The following ABHD17C variants were observed in gnomAD, a reference collection of about 807,000 sequenced individuals.
ABHD17C encodes abhydrolase domain containing 17C, depalmitoylase.
Under a neutral mutation model 27.9 loss-of-function variants are expected in ABHD17C, and 11 were observed. That is an observed-to-expected ratio of 0.39 (90% CI 0.25 to 0.65). The LOEUF is 0.65. Among genes scored for constraint, ABHD17C ranks in the 30% least tolerant of loss-of-function variants. The probability of loss-of-function intolerance (pLI) is 0.45; values close to 1 mark genes in which losing one functional copy is unlikely to be tolerated. For synonymous variants in ABHD17C, 233 were observed against 209.1 expected, an observed-to-expected ratio of 1.11 and a Z score of -0.98; for missense variants, 280 against 470.2, an observed-to-expected ratio of 0.60 and a Z score of 3.74.
intron 1 of ABHD17C, among the ~76,000 whole-genome samples, chr15:80,711,397 G>T (rs1894727069): frequency 6.6e-6 from 1 of 152,194 alleles, no homozygotes; most frequent in Non-Finnish European, 1.5e-5. Context: ...TTTCTTTCCA[G>T]CACCCAGAAG....
At chr15:80,747,278 G>C (rs1895301260) in intron 1 of ABHD17C, among the ~76,000 whole-genome samples, 1 of 152,128 alleles carries the variant, frequency 6.6e-6, no homozygotes, top group African/African-American at 2.4e-5. Context: ...GTCGTAGACT[G>C]CTTTGAAAAT....
chr15:80,741,318 T>C (rs1018246674), intron 1 of ABHD17C, among the ~76,000 whole-genome samples: 2 of 152,152 alleles, frequency 1.3e-5, no homozygotes, highest in African/African-American at 4.8e-5. Flanking sequence ...CTGAGGATAG[T>C]CCTGAGCCCT....
At chr15:80,723,138 A>ATATGTGTGTGTGTGTGTG (rs58011508) in intron 1 of ABHD17C, among the ~76,000 whole-genome samples, 1 of 124,936 alleles carries the variant, frequency 8.0e-6, no homozygotes, top group Non-Finnish European at 1.6e-5. Context: ...GTGTGTATAT[A>ATATGTGTGTGTGTGTGTG]TGTGTGTGTG....
intron 1 of ABHD17C, among the ~76,000 whole-genome samples, chr15:80,696,248 CAG>C (rs1379442325): frequency 2.6e-5 from 4 of 152,244 alleles, no homozygotes; most frequent in South Asian, 2.1e-4. Flanking sequence ...AGCTCGGACT[CAG>C]AGAATTTTGC....
chr15:80,722,332 T>C (rs1374815693), intron 1 of ABHD17C, among the ~76,000 whole-genome samples: 5 of 151,924 alleles, frequency 3.3e-5, no homozygotes, highest in African/African-American at 1.2e-4. Flanking sequence ...TTTTTTTTTT[T>C]TTTTTTTAAT....
intron 1 of ABHD17C, among the ~76,000 whole-genome samples, chr15:80,733,149 G>T (rs749716534): frequency 3.3e-5 from 5 of 152,134 alleles, no homozygotes; most frequent in Non-Finnish European, 7.3e-5. Flanking sequence ...ATTGCAGAGC[G>T]TACTCTTCTT....
At chr15:80,745,578 G>A (rs1420942141) in intron 1 of ABHD17C, among the ~76,000 whole-genome samples, 1 of 151,862 alleles carries the variant, frequency 6.6e-6, no homozygotes, top group Non-Finnish European at 1.5e-5. Context: ...TTTTGCTCAG[G>A]CTGGTCTCAA....
At chr15:80,715,713 G>C (rs953720562) in intron 1 of ABHD17C, among the ~76,000 whole-genome samples, 2 of 152,180 alleles carry the variant, frequency 1.3e-5, no homozygotes, top group Non-Finnish European at 2.9e-5. Flanking sequence ...GAACGGTTCT[G>C]TGCAGCCCAC....
At chr15:80,701,905 A>C (rs1894578738) in intron 1 of ABHD17C, among the ~76,000 whole-genome samples, 1 of 152,070 alleles carries the variant, frequency 6.6e-6, no homozygotes. Context: ...CCTGTTTCCA[A>C]GTGCTCTTTT....
intron 1 of ABHD17C, among the ~76,000 whole-genome samples, chr15:80,713,417 G>A (rs950937779): frequency 9.5e-6 from 1 of 105,194 alleles, no homozygotes; most frequent in Non-Finnish European, 1.7e-5. Flanking sequence ...CAGAAAGAAA[G>A]ATAGGGAACT....
At chr15:80,706,657 A>G (rs1183221894) in intron 1 of ABHD17C, among the ~76,000 whole-genome samples, 1 of 152,256 alleles carries the variant, frequency 6.6e-6, no homozygotes, top group Non-Finnish European at 1.5e-5. Flanking sequence ...ATTGATAATC[A>G]GATGAGAATT....
At chr15:80,725,670 G>A (rs1394434144) in intron 1 of ABHD17C, among the ~76,000 whole-genome samples, 1 of 152,112 alleles carries the variant, frequency 6.6e-6, no homozygotes, top group East Asian at 1.9e-4. Context: ...GCACCACCGT[G>A]ACTAGCTAAT....
At chr15:80,709,710 TCTC>T (rs1419758801) in intron 1 of ABHD17C, among the ~76,000 whole-genome samples, 2 of 151,918 alleles carry the variant, frequency 1.3e-5, no homozygotes, top group Non-Finnish European at 2.9e-5. Context: ...CCCTCATTGT[TCTC>T]CTCCTCCACC....
At chr15:80,727,164 C>CT (rs1451103161) in intron 1 of ABHD17C, among the ~76,000 whole-genome samples, 2 of 152,212 alleles carry the variant, frequency 1.3e-5, no homozygotes, top group African/African-American at 4.8e-5. Flanking sequence ...ACCTTGATGT[C>CT]TTTTCCGTGC....
Position 80,749,812 on chromosome 15 carries a change from G to T in ABHD17C, c.770+120G>T, listed in dbSNP as rs1177462872. On this transcript the variant is annotated intron_variant, in intron 2 of 2. Coordinates refer to ENST00000258884, the MANE Select transcript of ABHD17C (RefSeq NM_021214.2). ...GCAGCCATACGTCAGACCCTGTGCT[G>T]GGTGCCACAGGGCATGTGGGAGCAA... 9.3e-6 allele frequency: 11 copies of T among 1,179,512 alleles called. No individual in the cohort carries two copies. The African/African-American group carries it at 1.1e-4, about 11-fold the overall frequency. The allele number at this position is 1,179,512 out of a possible 1,614,324, so 73.1% of individuals were successfully genotyped here.
chr15:80,711,259 A>G (rs984765744), intron 1 of ABHD17C, among the ~76,000 whole-genome samples: 2 of 152,166 alleles, frequency 1.3e-5, no homozygotes, highest in South Asian at 4.1e-4. Context: ...GGATGCTCGC[A>G]TGAATCACTG....
intron 1 of ABHD17C, among the ~76,000 whole-genome samples, chr15:80,730,066 G>A (rs914104656): frequency 3.3e-5 from 5 of 151,842 alleles, no homozygotes; most frequent in African/African-American, 9.7e-5. Flanking sequence ...CTGAGATCGC[G>A]CCACTGCCCT....
chr15:80,749,429 A>G lies in ABHD17C; in HGVS notation c.591-84A>G, dbSNP rs557171516. The G allele has an allele frequency of 1.5e-4, 206 of 1,400,434 alleles. No individual in the cohort carries two copies. In the African/African-American group the frequency reaches 2.6e-3, roughly 17 times the overall value. The allele number at this position is 1,400,434 out of a possible 1,614,324, so 86.8% of individuals were successfully genotyped here. On this transcript the variant is annotated intron_variant, in intron 1 of 2. Transcript: ENST00000258884. ...TTAAGCTGGTGGATGTGGGAATTTT[A>G]TGGGTTTAAGAGGCGGGTTTCTCTG...
chr15:80,752,075 C>T (rs1229074952), intron 2 of ABHD17C, among the ~76,000 whole-genome samples: 3 of 152,268 alleles, frequency 2.0e-5, no homozygotes, highest in Non-Finnish European at 2.9e-5. Flanking sequence ...CACTTGGGAT[C>T]GGATGATGGA....
Sources: allele counts gnomAD v4.1 joint callset (sites outside exome capture counted in the v4.1 genomes callset), GRCh38; gene constraint gnomAD v4.1.1; transcripts MANE v1.5; gene names NCBI Gene and HGNC (gene_info 2026-07-23, HGNC 2026-07-21).